KLHDC4: variants seen among roughly 807,000 people sequenced by gnomAD.
KLHDC4 encodes kelch domain-containing protein 4.
In KLHDC4, 90 loss-of-function variants were observed where a neutral mutation model predicts 62.4. The observed-to-expected ratio is 1.44, with a 90% CI of 1.22 to 1.72. The LOEUF (loss-of-function observed/expected upper bound fraction) is 1.72, where lower values mean the gene tolerates loss of function less well. Among genes scored for constraint, KLHDC4 ranks in the 40% most tolerant of loss-of-function variants. The probability of loss-of-function intolerance (pLI) is 0.00; values close to 1 mark genes in which losing one functional copy is unlikely to be tolerated. For missense variants in KLHDC4, 1,025 were observed against 699.7 expected (o/e 1.47, Z -5.25); for synonymous variants, 386 against 284.4 (o/e 1.36, Z -3.59).
At chr16:87,743,739 C>CA (rs1194445451) in intron 5 of KLHDC4, among the ~76,000 whole-genome samples, 23 of 150,990 alleles carry the variant, frequency 1.5e-4, no homozygotes, top group African/African-American at 5.1e-4. Context: ...GACACCGCCT[C>CA]AAAAAAAATA....
intron 2 of KLHDC4, 74 bp from the exon 3 acceptor site, chr16:87,756,551 G>T (rs982195634): frequency 1.9e-6 from 2 of 1,073,578 alleles, no homozygotes; most frequent in Admixed American, 3.7e-5. Flanking sequence ...CTTCCTCACA[G>T]AATCCTCTGT....
intron 6 of KLHDC4, among the ~76,000 whole-genome samples, chr16:87,727,556 C>T (rs554562781): frequency 1.3e-5 from 2 of 152,250 alleles, no homozygotes; most frequent in East Asian, 1.9e-4. Flanking sequence ...AAGGAGGCCC[C>T]GCAGCCTTGC....
chr16:87,711,123 C>G, intron 9 of KLHDC4, 112 bp downstream of exon 9: 1 of 1,009,356 alleles, frequency 9.9e-7, no homozygotes, highest in Non-Finnish European at 1.5e-6. Context: ...CTTGAGAGAG[C>G]TCATGGGCTT....
intron 5 of KLHDC4, among the ~76,000 whole-genome samples, chr16:87,733,347 C>G (rs1597598575): frequency 6.6e-6 from 1 of 152,344 alleles, no homozygotes; most frequent in South Asian, 2.1e-4. Flanking sequence ...GCTCGGGCAG[C>G]AGGTGCTCAG....
chr16:87,731,239 A>T (rs1248156136), intron 5 of KLHDC4, among the ~76,000 whole-genome samples: 1 of 151,128 alleles, frequency 6.6e-6, no homozygotes, highest in Non-Finnish European at 1.5e-5. Flanking sequence ...GATTTTTTGT[A>T]TTTCTAGTAC....
chr16:87,760,355 C>T (rs1011907961), intron 2 of KLHDC4, among the ~76,000 whole-genome samples: 5 of 151,584 alleles, frequency 3.3e-5, no homozygotes, highest in African/African-American at 1.2e-4. Flanking sequence ...CGCCTGTAAT[C>T]CTAGCACTCT....
At chr16:87,732,548 C>T (rs1005891575) in intron 5 of KLHDC4, among the ~76,000 whole-genome samples, 2 of 152,206 alleles carry the variant, frequency 1.3e-5, no homozygotes, top group Admixed American at 6.5e-5. Flanking sequence ...TAAAAATACA[C>T]ACAAATAATA....
chr16:87,732,346 T>C (rs1875842086), intron 5 of KLHDC4, among the ~76,000 whole-genome samples: 1 of 152,158 alleles, frequency 6.6e-6, no homozygotes, highest in African/African-American at 2.4e-5. Flanking sequence ...TTTGCCTGCC[T>C]CGGCCTCCCA....
At chr16:87,765,768 C>G in intron 1 of KLHDC4, 24 bp downstream of exon 1, 1 of 1,560,004 alleles carries the variant, frequency 6.4e-7, no homozygotes, top group Non-Finnish European at 8.7e-7. Flanking sequence ...CGTCGGGCCG[C>G]TAAGCCCGGT....
chr16:87,753,602 C>A (rs2044368668), intron 4 of KLHDC4, among the ~76,000 whole-genome samples: 1 of 150,942 alleles, frequency 6.6e-6, no homozygotes, highest in South Asian at 2.1e-4. Flanking sequence ...GAGTTCGAAA[C>A]CAGCCTGGCC....
At chr16:87,713,050 G>C (rs896482008) in intron 8 of KLHDC4, among the ~76,000 whole-genome samples, 47 of 152,150 alleles carry the variant, frequency 3.1e-4, no homozygotes, top group African/African-American at 1.1e-3. Flanking sequence ...TTTATTTTTT[G>C]AGACAGAGTC....
At chr16:87,711,108 C>T in intron 9 of KLHDC4, 127 bp downstream of exon 9, 1 of 838,922 alleles carries the variant, frequency 1.2e-6, no homozygotes, top group Non-Finnish European at 1.9e-6. Flanking sequence ...GGAACCCTCG[C>T]CCCTCTTGAG....
chr16:87,720,243 C>G (rs752095635), intron 7 of KLHDC4, among the ~76,000 whole-genome samples: 17 of 152,176 alleles, frequency 1.1e-4, no homozygotes, highest in Non-Finnish European at 2.1e-4. Context: ...AGAAGACGGC[C>G]AGACGACTGG....
At chr16:87,726,971 G>A in intron 6 of KLHDC4, 47 bp from the exon 7 acceptor site, 2 of 1,589,466 alleles carry the variant, frequency 1.3e-6, no homozygotes, top group Admixed American at 1.7e-5. Context: ...ATTGGGAAAA[G>A]CCCTGACATT....
chr16:87,715,346 A>G (rs2036735653), intron 7 of KLHDC4, among the ~76,000 whole-genome samples: 2 of 152,020 alleles, frequency 1.3e-5, no homozygotes, highest in South Asian at 4.2e-4. Flanking sequence ...GCCCACACCA[A>G]TGTCCTCCCA....
chr16:87,715,235 C>T (rs1232145201), intron 7 of KLHDC4, among the ~76,000 whole-genome samples: 1 of 151,282 alleles, frequency 6.6e-6, no homozygotes, highest in Non-Finnish European at 1.5e-5. Context: ...TCCATCTCAT[C>T]TTTGTATTTG....
intron 7 of KLHDC4, among the ~76,000 whole-genome samples, chr16:87,719,185 G>A (rs1394042842): frequency 6.6e-6 from 1 of 152,260 alleles, no homozygotes; most frequent in Non-Finnish European, 1.5e-5. Context: ...ACAGCTCATT[G>A]AGAATGGGCC....
rs117708951 is a variant in KLHDC4, at chr16:87,720,247, C to T, written c.760-5674G>A. ...GCGTTTGTGGGAGAAGACGGCCAGA[C>T]GACTGGTCCTGGGAGAAGACAGTGC... is the stretch of plus-strand genomic sequence containing the variant. On this transcript the variant is annotated intron_variant, in intron 7 of 11. Coordinates refer to ENST00000270583, the MANE Select transcript of KLHDC4 (RefSeq NM_017566.4). Among the ~76,000 whole-genome samples, 1,082 of 152,258 alleles carry T rather than the reference C, an allele frequency of 7.1e-3. 6 individuals are homozygous for T. The highest frequency in any genetic ancestry group is 0.012 in the Non-Finnish European group (792 of 68,022).
intron 8 of KLHDC4, among the ~76,000 whole-genome samples, chr16:87,712,500 G>A (rs867434927): frequency 6.6e-6 from 1 of 152,232 alleles, no homozygotes; most frequent in Non-Finnish European, 1.5e-5. Flanking sequence ...TCCTCACCAC[G>A]ATGCTTTCCT....
Sources: gnomAD v4.1 joint callset for allele counts (sites outside exome capture counted in the v4.1 genomes callset) on GRCh38, gnomAD v4.1.1 for gene constraint, MANE v1.5 for transcripts, NCBI Gene and HGNC (gene_info 2026-07-23, HGNC 2026-07-21) for gene names.